Variants in CAMTA1 observed in about 807,000 individuals in gnomAD.
The protein encoded by CAMTA1 is calmodulin binding transcription activator 1.
A neutral mutation model predicts 170.9 loss-of-function variants in CAMTA1; 27 were observed. The observed-to-expected ratio is 0.16, with a 90% confidence interval of 0.12 to 0.22. CAMTA1 has a LOEUF of 0.22. Ranked by LOEUF, CAMTA1 falls within the 10% of genes least tolerant of loss-of-function variation. The pLI, the probability that CAMTA1 is intolerant of heterozygous loss-of-function variation, is 1.00. For missense variants in CAMTA1, 1,619 were observed against 2,217.2 expected, an observed-to-expected ratio of 0.73 and a Z score of 5.42; for synonymous variants, 833 against 891.5, an observed-to-expected ratio of 0.93 and a Z score of 1.17.
chr1:7,739,400 G>A (rs2150025097), intron 16 of CAMTA1, among the ~76,000 whole-genome samples: 1 of 152,162 alleles, frequency 6.6e-6, no homozygotes, highest in East Asian at 1.9e-4. Context: ...GTTTGCAGAG[G>A]ATGAGAAAGA....
At chr1:6,900,899 T>C (rs949869040) in intron 3 of CAMTA1, among the ~76,000 whole-genome samples, 1 of 152,206 alleles carries the variant, frequency 6.6e-6, no homozygotes, top group African/African-American at 2.4e-5. Context: ...CTAGATAAAC[T>C]AATTGCAAGG....
intron 4 of CAMTA1, among the ~76,000 whole-genome samples, chr1:7,152,195 C>T (rs1187088882): frequency 2.6e-5 from 4 of 152,284 alleles, no homozygotes; most frequent in Middle Eastern, 3.4e-3. Flanking sequence ...ATAGATGATG[C>T]GATCACAGCC....
Position 7,093,205 on chromosome 1 carries a change from C to T in CAMTA1, c.302+1834C>T, listed in dbSNP as rs1308373828. ...CTGAGGGCTCATTAAAATGCGGGCC[C>T]CACCCTAGGGTTTCTGATTCAGCAG... On this transcript the variant is annotated intron_variant, in intron 4 of 22. Transcript: ENST00000303635. This position sits in a 1 kb window ranked among gnomAD's most constrained non-coding sequence, Gnocchi z 4.6. 2.0e-5 allele frequency among the ~76,000 whole-genome samples: 3 copies of T among 152,166 alleles called. No individual in the cohort carries two copies. Among genetic ancestry groups the T allele is most frequent in the Non-Finnish European group, 1.5e-5 (1 of 68,038 alleles).
intron 6 of CAMTA1, among the ~76,000 whole-genome samples, chr1:7,623,334 C>T (rs2095611766): frequency 6.6e-6 from 1 of 152,160 alleles, no homozygotes; most frequent in African/African-American, 2.4e-5. Flanking sequence ...GCCACAGTTA[C>T]CCCTACTCTA....
chr1:7,292,541 G>A (rs181434252), intron 5 of CAMTA1, among the ~76,000 whole-genome samples: 106 of 152,190 alleles, frequency 7.0e-4, no homozygotes, highest in African/African-American at 2.5e-3. Flanking sequence ...GATCCATACG[G>A]GTACTGCCTT....
intron 3 of CAMTA1, among the ~76,000 whole-genome samples, chr1:7,016,019 A>T (rs1479504725): frequency 2.0e-5 from 3 of 152,196 alleles, no homozygotes; most frequent in Non-Finnish European, 4.4e-5. Context: ...CACCTCCCCC[A>T]GGCTCTTCCT....
chr1:7,480,638 G>A (rs1049806192), intron 6 of CAMTA1, among the ~76,000 whole-genome samples: 2 of 151,948 alleles, frequency 1.3e-5, no homozygotes, highest in African/African-American at 2.4e-5. Context: ...CCTTATGAAC[G>A]CTCCCTGCTG....
At chr1:7,164,617 C>T (rs1263310111) in intron 4 of CAMTA1, among the ~76,000 whole-genome samples, 1 of 152,208 alleles carries the variant, frequency 6.6e-6, no homozygotes, top group Non-Finnish European at 1.5e-5. Context: ...GGTCAGATCT[C>T]ACAGGAAATG....
At chr1:7,449,957 G>C (rs539465658) in intron 5 of CAMTA1, among the ~76,000 whole-genome samples, 1 of 152,074 alleles carries the variant, frequency 6.6e-6, no homozygotes, top group Non-Finnish European at 1.5e-5. Context: ...GGTGGCTTGG[G>C]GGTAGGAGGG....
intron 3 of CAMTA1, among the ~76,000 whole-genome samples, chr1:6,877,726 G>A (rs576713002): frequency 6.6e-6 from 1 of 152,160 alleles, no homozygotes; most frequent in Non-Finnish European, 1.5e-5. Flanking sequence ...TTCAGGTTTG[G>A]ATATCCAGCC....
chr1:7,418,574 G>A (rs913367154), intron 5 of CAMTA1, among the ~76,000 whole-genome samples: 5 of 152,102 alleles, frequency 3.3e-5, no homozygotes, highest in African/African-American at 4.8e-5. Context: ...CCCCAGATGC[G>A]GATCCCTAGC....
chr1:7,579,952 G>T (rs1286092522), intron 6 of CAMTA1, among the ~76,000 whole-genome samples: 1 of 152,244 alleles, frequency 6.6e-6, no homozygotes, highest in Non-Finnish European at 1.5e-5. Context: ...CTGGGTCGTG[G>T]CACCCAAGTG....
rs543011458 is a variant in CAMTA1 at position 7,123,503 on chromosome 1, G to A, written c.302+32132G>A. Among the ~76,000 whole-genome samples, 9 of 152,254 alleles carry A rather than the reference G, an allele frequency of 5.9e-5. No individual in the cohort carries two copies. In the East Asian group the frequency reaches 9.7e-4, roughly 16 times the overall value. On this transcript the variant is annotated intron_variant, in intron 4 of 22. Transcript: ENST00000303635. ...CCATTCATCCTATAGTAGGTGCCAC[G>A]TCTGCTGCGTGCCCCTGCCCTCTCC...
At position 7,248,390 on chromosome 1, in the gene CAMTA1, CCG is replaced by C. The variant is rs1558305795; in HGVS notation, c.303-1100_303-1099del. ...CTTATTTGTGTAAAGAGCTCTCTGG[CCG>C]TGGCTGAGAGTGAGGTGGCAAGCCT... is the stretch of plus-strand genomic sequence containing the variant. On this transcript the variant is annotated intron_variant, in intron 4 of 22. Coordinates refer to ENST00000303635, the MANE Select transcript of CAMTA1 (RefSeq NM_015215.4). This position sits in a 1 kb window ranked among gnomAD's most constrained non-coding sequence, Gnocchi z 4.0. 6.6e-6 allele frequency among the ~76,000 whole-genome samples: 1 copy of C among 152,166 alleles called. No homozygotes were observed. Among genetic ancestry groups the C allele is most frequent in the Non-Finnish European group, 1.5e-5 (1 of 68,034 alleles).
intron 3 of CAMTA1, among the ~76,000 whole-genome samples, chr1:6,942,073 TTTTC>T (rs1173000972): frequency 1.0e-4 from 11 of 106,328 alleles, no homozygotes; most frequent in Non-Finnish European, 2.6e-4. Flanking sequence ...CTTTTTTCTT[TTTTC>T]TTTTTTTTTT....
At position 7,738,225 on chromosome 1, in the gene CAMTA1, G is replaced by A; in HGVS notation, c.3925G>A (p.Ala1309Thr). Residue 1309 changes from alanine (A) to threonine (T), a missense_variant, in exon 16 of 23, where the codon GCA becomes ACA. Around this residue, in one of 8 missense-constraint regions of CAMTA1, gnomAD observed 370 missense variants for 429.4 expected, o/e 0.86. Coordinates refer to ENST00000303635, the MANE Select transcript of CAMTA1 (RefSeq NM_015215.4). The surrounding 1 kb of genome is among the most constrained non-coding windows in gnomAD (Gnocchi z 4.9). ...ELSPPTPETA[A>T]FQASGSQPVG... ...CTCCCCTCCCACTCCAGAGACTGCAGCATTTCAAGCCTCTGGATCTCAGCC... is the reference window on the plus strand; with the variant it reads ...CTCCCCTCCCACTCCAGAGACTGCAACATTTCAAGCCTCTGGATCTCAGCC... 6.2e-7 allele frequency: 1 copy of A among 1,614,054 alleles called. No individual in the cohort carries two copies. Among genetic ancestry groups the A allele is most frequent in the Non-Finnish European group, 8.5e-7 (1 of 1,180,032 alleles).
At chr1:6,936,536 G>C (rs541057532) in intron 3 of CAMTA1, among the ~76,000 whole-genome samples, 86 of 152,216 alleles carry the variant, frequency 5.6e-4, no homozygotes, top group Middle Eastern at 6.8e-3. Flanking sequence ...CATTTCTCCT[G>C]ACCTTCTCTT....
intron 4 of CAMTA1, among the ~76,000 whole-genome samples, chr1:7,098,401 TG>T (rs1256480807): frequency 6.6e-5 from 10 of 152,246 alleles, no homozygotes; most frequent in African/African-American, 2.2e-4. Flanking sequence ...AGGCCATTGT[TG>T]GCCAAAGGGC....
Position 6,984,724 on chromosome 1 carries a change from C to T in CAMTA1, c.235-106580C>T, listed in dbSNP as rs939652751. 2.0e-5 allele frequency among the ~76,000 whole-genome samples: 3 copies of T among 152,240 alleles called. 1 individual carries two copies. The highest frequency in any genetic ancestry group is 7.2e-5 in the African/African-American group (3 of 41,470). ...GCCATTGACTCTCTCTGCACGTTTT[C>T]CCTCTCTGTACATCTGCATCGTCTT... On this transcript the variant is annotated intron_variant, in intron 3 of 22. Coordinates refer to ENST00000303635, the MANE Select transcript of CAMTA1 (RefSeq NM_015215.4).
Sources: allele counts gnomAD v4.1 joint callset (sites outside exome capture counted in the v4.1 genomes callset), GRCh38; gene constraint gnomAD v4.1.1; regional missense constraint gnomAD v4.1.1; non-coding constraint Gnocchi (gnomAD v3.1); transcripts MANE v1.5; gene names NCBI Gene and HGNC (gene_info 2026-07-23, HGNC 2026-07-21).